ITIH2: variants seen among roughly 807,000 people sequenced by gnomAD.
The protein encoded by ITIH2 is inter-alpha-trypsin inhibitor heavy chain 2, also known as inter-alpha-trypsin inhibitor heavy chain H2.
A neutral mutation model predicts 104.4 loss-of-function variants in ITIH2; 103 were observed. That is an observed-to-expected ratio of 0.99 (90% CI 0.84 to 1.16). The LOEUF (loss-of-function observed/expected upper bound fraction) is 1.16. ITIH2 is among the 50% of genes most tolerant of loss of function. The probability of loss-of-function intolerance (pLI) is 0.00; values close to 1 mark genes in which losing one functional copy is unlikely to be tolerated. For missense variants in ITIH2, 1,108 were observed against 1,162.4 expected, an observed-to-expected ratio of 0.95 and a Z score of 0.68; for synonymous variants, 436 against 435.4, an observed-to-expected ratio of 1.00 and a Z score of -0.02.
At chr10:7,724,551 C>A (rs1367834390) in intron 9 of ITIH2, among the ~76,000 whole-genome samples, 2 of 97,232 alleles carry the variant, frequency 2.1e-5, no homozygotes, top group Non-Finnish European at 3.9e-5. Flanking sequence ...GCCTGGGCAA[C>A]AAGAGCGAAA....
intron 4 of ITIH2, among the ~76,000 whole-genome samples, chr10:7,712,831 C>T (rs1220967576): frequency 6.6e-6 from 1 of 152,070 alleles, no homozygotes; most frequent in Non-Finnish European, 1.5e-5. Flanking sequence ...GCTAAGATTA[C>T]TATTCTGGGC....
At position 7,730,152 on chromosome 10, in the gene ITIH2, C is replaced by T. The variant is rs746683992; in HGVS notation, c.1461+19C>T. On this transcript the variant is annotated intron_variant, in intron 12 of 20. Coordinates refer to ENST00000358415, the MANE Select transcript of ITIH2 (RefSeq NM_002216.3). The stretch of plus-strand genomic sequence containing the variant: ...GCTTAAGGTAACATTTTCTTCTGTT[C>T]TTTTTTTATTCTTCACTGGAAATCA... 1.9e-6 allele frequency: 3 copies of T among 1,556,436 alleles called. No homozygotes were observed. The highest frequency in any genetic ancestry group is 2.6e-6 in the Non-Finnish European group (3 of 1,145,006).
At position 7,744,809 on chromosome 10, in the gene ITIH2, G is replaced by C. The variant is rs148653365; in HGVS notation, c.2427G>C (p.Lys809Asn). The change falls in exon 19 of 21, where the codon AAG (lysine) becomes AAC (asparagine). Residue 809 changes from lysine (K) to asparagine (N), a missense_variant. Lys to Asn is a moderately conservative substitution (Grantham distance 94). Transcript: ENST00000358415. ...ACACCAGGGTGCAGATCTCAGTGAA[G>C]AAAGAAAAAGTGGTAACTATCACCC... ...VTNQRVQISV[K>N]KEKVVTITLD... 1.6e-4 allele frequency: 262 copies of C among 1,613,456 alleles called. No homozygotes were observed. Among genetic ancestry groups the C allele is most frequent in the Non-Finnish European group, 9.5e-5 (112 of 1,179,826 alleles).
chr10:7,720,835 A>AGGTAG (rs1834895218), intron 6 of ITIH2, 21 bp from the exon 7 acceptor site: 7 of 1,412,366 alleles, frequency 5.0e-6, no homozygotes, highest in Non-Finnish European at 7.0e-6. Context: ...TGCTTTGGGT[A>AGGTAG]ATTTTCTCTT....
intron 9 of ITIH2, 109 bp downstream of exon 9, chr10:7,723,676 G>A: frequency 1.3e-6 from 1 of 765,030 alleles, no homozygotes; most frequent in Non-Finnish European, 2.3e-6. Flanking sequence ...CTGAAGCTCA[G>A]GGACTGTGGT....
At position 7,749,191 on chromosome 10, in the gene ITIH2, TTACAGAAAGAC is replaced by T. The variant is rs748229022; in HGVS notation, c.2706_2716del (p.Lys902AsnfsTer23). 2 of 1,613,866 alleles carry T rather than the reference TTACAGAAAGAC, an allele frequency of 1.2e-6. No individual in the cohort carries two copies. The highest frequency in any genetic ancestry group is 2.7e-5 in the African/African-American group (2 of 74,888). On this transcript the variant is annotated frameshift_variant, in exon 21 of 21. Transcript: ENST00000358415. LOFTEE classifies it high-confidence loss of function. ...ACATGCCTTGCTTCCTTGCAGGGGC[TTACAGAAAGAC>T]TACAGAACGGATCTAGTGTTTGGAA...
Position 7,738,409 on chromosome 10 carries a change from C to T in ITIH2, c.1958-212C>T, listed in dbSNP as rs376869890. Among the ~76,000 whole-genome samples, 57 of 149,578 alleles carry T rather than the reference C, an allele frequency of 3.8e-4. 1 individual carries two copies. The highest frequency in any genetic ancestry group is 1.4e-3 in the African/African-American group (55 of 40,620). ...GCGGTTCCTCCCACTGCCACCCTTG[C>T]TCAGGTTCCAGACTCCAGAGAGAAC... On this transcript the variant is annotated intron_variant, in intron 15 of 20. Coordinates refer to ENST00000358415, the MANE Select transcript of ITIH2 (RefSeq NM_002216.3).
At chr10:7,737,592 T>A (rs1485372032) in intron 15 of ITIH2, among the ~76,000 whole-genome samples, 2 of 127,994 alleles carry the variant, frequency 1.6e-5, no homozygotes, top group African/African-American at 6.2e-5. Flanking sequence ...TATTCTATAT[T>A]ATATTCTATA....
At chr10:7,714,421 C>G (rs1024276432) in intron 5 of ITIH2, among the ~76,000 whole-genome samples, 2 of 152,086 alleles carry the variant, frequency 1.3e-5, no homozygotes, top group African/African-American at 4.8e-5. Flanking sequence ...ATCCGCCCGC[C>G]TCGGCCTCCC....
At chr10:7,744,559 ATACTGACTC>A (rs1228190304) in intron 18 of ITIH2, among the ~76,000 whole-genome samples, 1 of 152,174 alleles carries the variant, frequency 6.6e-6, no homozygotes, top group Non-Finnish European at 1.5e-5. Context: ...GCTGAAATCC[ATACTGACTC>A]TATCGCAGAG....
intron 17 of ITIH2, among the ~76,000 whole-genome samples, chr10:7,743,502 G>A (rs146978382): frequency 6.6e-6 from 1 of 152,060 alleles, no homozygotes; most frequent in African/African-American, 2.4e-5. Flanking sequence ...AGCCAGGAAC[G>A]GTGGCTTACA....
At position 7,725,183 on chromosome 10, in the gene ITIH2, A is replaced by T. The variant is rs920162029; in HGVS notation, c.984+1616A>T. ...GCAGCATTTTGATAAAAGTTTTTTTAAAAAATAAAAGAAGCATATGTTAAA... is the reference window on the plus strand; with the variant it reads ...GCAGCATTTTGATAAAAGTTTTTTTTAAAAATAAAAGAAGCATATGTTAAA... On this transcript the variant is annotated intron_variant, in intron 9 of 20. Coordinates refer to ENST00000358415, the MANE Select transcript of ITIH2 (RefSeq NM_002216.3). Among the ~76,000 whole-genome samples, 74 of 152,330 alleles carry T rather than the reference A, an allele frequency of 4.9e-4. 1 individual carries two copies. The highest frequency in any genetic ancestry group is 3.9e-4 in the Admixed American group (6 of 15,300).
In ITIH2 at chr10:7,744,809, GA is replaced by G; in HGVS notation, c.2430del (p.Glu811LysfsTer4). On this transcript the variant is annotated frameshift_variant, in exon 19 of 21. Coordinates refer to ENST00000358415, the MANE Select transcript of ITIH2 (RefSeq NM_002216.3). LOFTEE classifies it high-confidence loss of function. ...ACACCAGGGTGCAGATCTCAGTGAAGAAAGAAAAAGTGGTAACTATCACCCT... is the reference window on the plus strand; with the variant it reads ...ACACCAGGGTGCAGATCTCAGTGAAGAAGAAAAAGTGGTAACTATCACCCT... Reference protein sequence around the residue: ...TNQRVQISVKKEKVVTITLDK... With the variant: ...TNQRVQISVKXEKVVTITLDK... 6.2e-7 allele frequency: 1 copy of G among 1,613,576 alleles called. No homozygotes were observed. Among genetic ancestry groups the G allele is most frequent in the Non-Finnish European group, 8.5e-7 (1 of 1,179,818 alleles).
At chr10:7,721,601 C>G in intron 7 of ITIH2, 48 bp from the exon 8 acceptor site, 2 of 1,584,798 alleles carry the variant, frequency 1.3e-6, no homozygotes, top group Non-Finnish European at 1.7e-6. Flanking sequence ...GCGCCAAGCA[C>G]TGGGAAGGGG....
intron 4 of ITIH2, among the ~76,000 whole-genome samples, chr10:7,710,926 T>TTA (rs1262150354): frequency 6.6e-6 from 1 of 152,124 alleles, no homozygotes; most frequent in Non-Finnish European, 1.5e-5. Flanking sequence ...CCTTCTTTTT[T>TTA]TTTTTTCTTT....
chr10:7,715,299 T>A (rs759381803), intron 5 of ITIH2, among the ~76,000 whole-genome samples: 6 of 152,058 alleles, frequency 3.9e-5, no homozygotes, highest in Non-Finnish European at 7.4e-5. Context: ...CGTGTGCCTG[T>A]AATCCCAGCT....
At chr10:7,748,331 C>T (rs1170493077) in intron 20 of ITIH2, among the ~76,000 whole-genome samples, 1 of 148,512 alleles carries the variant, frequency 6.7e-6, no homozygotes, top group South Asian at 2.1e-4. Context: ...TGGTTCATAA[C>T]TGAAACTGAG....
In ITIH2 at chr10:7,732,398, T is replaced by C; in HGVS notation, c.1708T>C (p.Ser570Pro). The C allele has an allele frequency of 2.5e-6, 4 of 1,614,106 alleles. No individual in the cohort carries two copies. The highest frequency in any genetic ancestry group is 2.5e-6 in the Non-Finnish European group (3 of 1,180,012). ...GATGGACGACTTGCAGGATTTTCTA[T>C]CGAAAGACAAGCATGCAGATCCCGA... ...AQMDDLQDFL[S>P]KDKHADPDFT... The change falls in exon 14 of 21, where the codon TCG (serine) becomes CCG (proline). Residue 570 changes from serine to proline, a missense_variant. Ser to Pro is a moderately conservative substitution (Grantham distance 74, BLOSUM62 -1). Coordinates refer to ENST00000358415, the MANE Select transcript of ITIH2 (RefSeq NM_002216.3).
Position 7,732,409 on chromosome 10 carries a change from G to A in ITIH2, c.1719G>A (p.Lys573=), listed in dbSNP as rs376261360. 3 of 1,614,084 alleles carry A rather than the reference G, an allele frequency of 1.9e-6. No individual in the cohort carries two copies. The highest frequency in any genetic ancestry group is 8.5e-7 in the Non-Finnish European group (1 of 1,179,988). Residue 573 remains lysine, a synonymous_variant, in exon 14 of 21, where the codon AAG becomes AAA. Coordinates refer to ENST00000358415, the MANE Select transcript of ITIH2 (RefSeq NM_002216.3). The part of the protein sequence containing the change: ...DDLQDFLSKD[K]HADPDFTRKL... ...TGCAGGATTTTCTATCGAAAGACAAGCATGCAGATCCCGATTTCACCAGGA... is the reference window on the plus strand; with the variant it reads ...TGCAGGATTTTCTATCGAAAGACAAACATGCAGATCCCGATTTCACCAGGA...
Sources: gnomAD v4.1 joint callset for allele counts (sites outside exome capture counted in the v4.1 genomes callset) on GRCh38, gnomAD v4.1.1 for gene constraint, MANE v1.5 for transcripts, NCBI Gene and HGNC (gene_info 2026-07-23, HGNC 2026-07-21) for gene names.